SRGAP3: variants seen among roughly 807,000 people sequenced by gnomAD.
SRGAP3 encodes the protein SLIT-ROBO Rho GTPase-activating protein 3.
A neutral mutation model predicts 121.1 loss-of-function variants in SRGAP3; 39 were observed. The ratio of observed to expected loss-of-function variants is 0.32; its 90% CI spans 0.25 to 0.42. The LOEUF (loss-of-function observed/expected upper bound fraction) is 0.42, where lower values mean the gene tolerates loss of function less well. SRGAP3 is among the 10% of genes least tolerant of loss of function. The probability of loss-of-function intolerance (pLI) is 1.00; values close to 1 mark genes in which losing one functional copy is unlikely to be tolerated. For missense variants in SRGAP3, 1,213 were observed against 1,470.6 expected (o/e 0.82, Z 2.86); for synonymous variants, 601 against 570.0 (o/e 1.05, Z -0.77).
At chr3:9,265,763 C>T (rs1225693061) in intron 3 of SRGAP3, among the ~76,000 whole-genome samples, 2 of 152,178 alleles carry the variant, frequency 1.3e-5, no homozygotes, top group Non-Finnish European at 2.9e-5. Flanking sequence ...AACACTTTTA[C>T]ACTGTTGGTG....
intron 1 of SRGAP3, among the ~76,000 whole-genome samples, chr3:9,132,060 T>C (rs1397857833): frequency 6.6e-6 from 1 of 152,062 alleles, no homozygotes; most frequent in Non-Finnish European, 1.5e-5. Context: ...TCACCAGCAA[T>C]AGTAGGAAGA....
At chr3:9,089,868 T>G (rs975501979) in intron 3 of SRGAP3, among the ~76,000 whole-genome samples, 1 of 152,150 alleles carries the variant, frequency 6.6e-6, no homozygotes, top group African/African-American at 2.4e-5. Flanking sequence ...ATGAAGAATC[T>G]TCTTTGGGAC....
At chr3:9,332,609 CAA>C (rs1488698668) in intron 1 of SRGAP3, among the ~76,000 whole-genome samples, 1 of 152,196 alleles carries the variant, frequency 6.6e-6, no homozygotes, top group Non-Finnish European at 1.5e-5. Context: ...AAAAGAATGT[CAA>C]GAGAGTTTTT....
chr3:9,348,140 T>G (rs1040469470), intron 1 of SRGAP3, among the ~76,000 whole-genome samples: 2 of 152,230 alleles, frequency 1.3e-5, no homozygotes, highest in African/African-American at 4.8e-5. Context: ...TTATGTGCAG[T>G]ACTAAGTCAG....
At chr3:9,349,065 T>C in intron 1 of SRGAP3, 2 of 961,302 alleles carry the variant, frequency 2.1e-6, no homozygotes, top group South Asian at 1.3e-5. Flanking sequence ...GAGCTGAACC[T>C]GCCCACTGGT....
chr3:9,287,832 G>A (rs892722711), intron 3 of SRGAP3, among the ~76,000 whole-genome samples: 28 of 152,132 alleles, frequency 1.8e-4, no homozygotes, highest in African/African-American at 5.8e-4. Context: ...AATAATCATC[G>A]TTCTTTAGAG....
intron 1 of SRGAP3, among the ~76,000 whole-genome samples, chr3:9,153,045 T>G (rs1052834646): frequency 6.6e-6 from 1 of 152,192 alleles, no homozygotes; most frequent in Non-Finnish European, 1.5e-5. Flanking sequence ...CATGCTCATT[T>G]CTATCTTAGC....
At chr3:9,084,602 A>T (rs59975365) in intron 3 of SRGAP3, among the ~76,000 whole-genome samples, 2,005 of 152,232 alleles carry the variant, frequency 0.013, 44 homozygotes, top group African/African-American at 0.046. Context: ...AGTCACTTTC[A>T]GCTGGGGTTT....
chr3:9,345,819 A>AAG (rs1364406642), intron 1 of SRGAP3, among the ~76,000 whole-genome samples: 2 of 151,854 alleles, frequency 1.3e-5, no homozygotes, highest in African/African-American at 2.4e-5. Context: ...AGAAAAAAGA[A>AAG]AGAGAGAGAG....
chr3:9,313,534 A>G (rs1955286205), intron 3 of SRGAP3, among the ~76,000 whole-genome samples: 1 of 151,828 alleles, frequency 6.6e-6, no homozygotes, highest in African/African-American at 2.4e-5. Context: ...ACTAAAAAAT[A>G]CAAAAAATCA....
At chr3:9,037,097 T>C (rs1944782801) in intron 11 of SRGAP3, 1 of 152,126 alleles carries the variant, frequency 6.6e-6, no homozygotes, top group Non-Finnish European at 1.5e-5. Context: ...TGGGAGTTCA[T>C]CTTTGCTCTT....
At chr3:9,290,055 G>T (rs529264810) in intron 3 of SRGAP3, among the ~76,000 whole-genome samples, 7 of 152,076 alleles carry the variant, frequency 4.6e-5, no homozygotes, top group Admixed American at 2.0e-4. Flanking sequence ...GGGTTGCAGC[G>T]AGCTGAGATT....
intron 3 of SRGAP3, among the ~76,000 whole-genome samples, chr3:9,099,173 T>C (rs188855484): frequency 1.1e-3 from 169 of 152,318 alleles, no homozygotes; most frequent in Non-Finnish European, 2.0e-3. Flanking sequence ...GCGATGGACA[T>C]CTTCGAGGCG....
intron 1 of SRGAP3, among the ~76,000 whole-genome samples, chr3:9,149,572 T>C (rs1203735377): frequency 1.3e-5 from 2 of 152,212 alleles, no homozygotes; most frequent in African/African-American, 4.8e-5. Flanking sequence ...GGCTCCAAGA[T>C]GCCTTGAGTG....
rs552543123 is a variant in SRGAP3, at chr3:9,044,352, C to T, written c.1408+3039G>A. 3.1e-4 allele frequency among the ~76,000 whole-genome samples: 47 copies of T among 152,218 alleles called. 1 individual carries two copies. In the South Asian group the frequency reaches 6.2e-3, roughly 20 times the overall value. ...AGGCAGCTACTAAGTGGCCAGTGGG[C>T]GGGTACCATATCCAGAGTGGATATG... is the stretch of plus-strand genomic sequence containing the variant. On this transcript the variant is annotated intron_variant, in intron 10 of 21. Coordinates refer to ENST00000383836, the MANE Select transcript of SRGAP3 (RefSeq NM_014850.4).
intron 3 of SRGAP3, among the ~76,000 whole-genome samples, chr3:9,324,089 T>A (rs766666774): frequency 1.3e-5 from 2 of 151,896 alleles, no homozygotes; most frequent in Non-Finnish European, 2.9e-5. Context: ...GTTTGCCTTA[T>A]TTGAATGGAG....
At chr3:9,246,245 A>T (rs1953818883) in intron 1 of SRGAP3, among the ~76,000 whole-genome samples, 1 of 152,208 alleles carries the variant, frequency 6.6e-6, no homozygotes, top group Non-Finnish European at 1.5e-5. Flanking sequence ...CAAAATTCAC[A>T]AAGCACAAAA....
chr3:9,252,514 G>C (rs1954040572), upstream of SRGAP3, among the ~76,000 whole-genome samples: 1 of 152,122 alleles, frequency 6.6e-6, no homozygotes, highest in Non-Finnish European at 1.5e-5. Flanking sequence ...CCTAGGACTA[G>C]AGCTTGGTCT....
intron 2 of SRGAP3, among the ~76,000 whole-genome samples, chr3:9,329,620 G>A (rs1178456841): frequency 1.3e-5 from 2 of 152,168 alleles, no homozygotes; most frequent in Non-Finnish European, 2.9e-5. Flanking sequence ...GAAGAAAAGA[G>A]CAAGTATTGC....
Sources: allele counts gnomAD v4.1 joint callset (sites outside exome capture counted in the v4.1 genomes callset), GRCh38; gene constraint gnomAD v4.1.1; transcripts MANE v1.5; gene names NCBI Gene and HGNC (gene_info 2026-07-23, HGNC 2026-07-21).